Variants in FOXP1 observed in about 807,000 individuals in gnomAD.
FOXP1 encodes forkhead box protein P1.
FOXP1 carries 15 observed loss-of-function variants against 98.2 expected under a neutral mutation model. The ratio of observed to expected loss-of-function variants is 0.15; its 90% CI spans 0.10 to 0.24. The LOEUF (loss-of-function observed/expected upper bound fraction) is 0.24, where lower values mean the gene tolerates loss of function less well. Ranked by LOEUF, FOXP1 falls within the 10% of genes least tolerant of loss-of-function variation. FOXP1 has a pLI of 1.00. For missense variants in FOXP1, 633 were observed against 848.5 expected, an observed-to-expected ratio of 0.75 and a Z score of 3.15; for synonymous variants, 371 against 314.5, an observed-to-expected ratio of 1.18 and a Z score of -1.90.
intron 2 of FOXP1, among the ~76,000 whole-genome samples, chr3:71,494,032 A>T (rs560640200): frequency 2.0e-5 from 3 of 152,142 alleles, no homozygotes; most frequent in Non-Finnish European, 4.4e-5. Flanking sequence ...GGTAATCATC[A>T]TTTTTTTCTC....
Position 71,182,502 on chromosome 3 carries a change from A to ATATG in FOXP1, c.180+15699_180+15700insCATA, listed in dbSNP as rs1431300428. On this transcript the variant is annotated intron_variant, in intron 6 of 20. Coordinates refer to ENST00000649528, the MANE Select transcript of FOXP1 (RefSeq NM_001349338.3). ...ATACAGAAAAGTGTAAACTATATAT[A>ATATG]TGTGTGTGTGTGTGTGTGTGTGTGT... Among the ~76,000 whole-genome samples the ATATG allele has an allele frequency of 1.7e-3, 232 of 133,692 alleles. 3 individuals carry two copies. Among genetic ancestry groups the ATATG allele is most frequent in the African/African-American group, 6.3e-3 (224 of 35,376 alleles). 87.7% of individuals were successfully genotyped at this position (133,692 alleles called of 152,430 possible).
At chr3:71,242,168 G>T (rs1484438151) in intron 5 of FOXP1, among the ~76,000 whole-genome samples, 2 of 152,156 alleles carry the variant, frequency 1.3e-5, no homozygotes, top group African/African-American at 4.8e-5. Context: ...ACAAGCAAAG[G>T]ACATGTTCGG....
chr3:71,103,201 C>T (rs1169339063), intron 7 of FOXP1, among the ~76,000 whole-genome samples: 1 of 152,092 alleles, frequency 6.6e-6, no homozygotes, highest in East Asian at 1.9e-4. Flanking sequence ...TGAATGCATG[C>T]ATGTATGAAT....
At chr3:71,079,597 C>T (rs1394000876) in intron 7 of FOXP1, among the ~76,000 whole-genome samples, 1 of 152,202 alleles carries the variant, frequency 6.6e-6, no homozygotes, top group African/African-American at 2.4e-5. Context: ...TGTTTCACAA[C>T]ATCTAAACTG....
At chr3:71,074,322 G>A (rs1379933942) in intron 7 of FOXP1, among the ~76,000 whole-genome samples, 1 of 152,120 alleles carries the variant, frequency 6.6e-6, no homozygotes, top group Non-Finnish European at 1.5e-5. Context: ...CTGCCTCCGG[G>A]TTCAAGCGAT....
chr3:71,425,644 G>C (rs905674823), intron 3 of FOXP1, among the ~76,000 whole-genome samples: 3 of 151,940 alleles, frequency 2.0e-5, no homozygotes, highest in African/African-American at 7.3e-5. Context: ...TTGAACTCAT[G>C]CCCTTACTCA....
intron 7 of FOXP1, among the ~76,000 whole-genome samples, chr3:71,070,962 G>A (rs990621223): frequency 3.3e-5 from 5 of 152,150 alleles, no homozygotes; most frequent in African/African-American, 4.8e-5. Context: ...CGGGGAAGCC[G>A]GCACAGGGCT....
At chr3:71,424,794 T>G (rs2083985373) in intron 3 of FOXP1, among the ~76,000 whole-genome samples, 3 of 152,184 alleles carry the variant, frequency 2.0e-5, no homozygotes, top group Admixed American at 6.5e-5. Flanking sequence ...TCAGCAAAAG[T>G]GGAGGACACA....
At chr3:71,083,303 C>G (rs1186344977) in intron 7 of FOXP1, among the ~76,000 whole-genome samples, 4 of 152,278 alleles carry the variant, frequency 2.6e-5, no homozygotes, top group Admixed American at 2.6e-4. Context: ...CCCCTTCTGC[C>G]TTCCACCATG....
chr3:71,380,697 C>CTTT (rs2080083994), intron 3 of FOXP1, among the ~76,000 whole-genome samples: 2 of 91,572 alleles, frequency 2.2e-5, no homozygotes, highest in African/African-American at 3.7e-5. Flanking sequence ...TCTTTTTAGA[C>CTTT]ATTTTTTTTT....
chr3:71,206,618 G>GA (rs1464826603), intron 5 of FOXP1, among the ~76,000 whole-genome samples: 14 of 151,898 alleles, frequency 9.2e-5, no homozygotes, highest in African/African-American at 3.4e-4. Flanking sequence ...TATTTCCAAG[G>GA]AAAAAAAGGA....
At chr3:71,298,944 G>C (rs988946673) in intron 5 of FOXP1, among the ~76,000 whole-genome samples, 2 of 152,106 alleles carry the variant, frequency 1.3e-5, no homozygotes, top group African/African-American at 4.8e-5. Flanking sequence ...CCTGTTTTTA[G>C]ACAGACACAA....
chr3:71,232,717 G>A (rs953751764), intron 5 of FOXP1, among the ~76,000 whole-genome samples: 2 of 151,344 alleles, frequency 1.3e-5, no homozygotes, highest in African/African-American at 2.4e-5. Flanking sequence ...TGGGCAACAC[G>A]GTAAAACCCT....
At chr3:71,076,405 C>T (rs2053814307) in intron 7 of FOXP1, among the ~76,000 whole-genome samples, 1 of 152,214 alleles carries the variant, frequency 6.6e-6, no homozygotes, top group South Asian at 2.1e-4. Context: ...AGGGCTCCTA[C>T]CTTGGCCTCA....
intron 5 of FOXP1, among the ~76,000 whole-genome samples, chr3:71,287,125 AAG>A (rs1359366241): frequency 6.6e-6 from 1 of 152,230 alleles, no homozygotes; most frequent in Admixed American, 6.5e-5. Context: ...AGGAAACAAA[AAG>A]AGTACATACA....
intron 3 of FOXP1, among the ~76,000 whole-genome samples, chr3:71,441,550 A>G (rs1201500899): frequency 6.6e-6 from 1 of 152,228 alleles, no homozygotes; most frequent in Non-Finnish European, 1.5e-5. Flanking sequence ...TAAATGCTCT[A>G]GGAGAATGAT....
chr3:71,368,423 G>A (rs2079067919), intron 3 of FOXP1, among the ~76,000 whole-genome samples: 1 of 152,064 alleles, frequency 6.6e-6, no homozygotes, highest in East Asian at 1.9e-4. Context: ...CACCATGCCT[G>A]GCCTTAGTTG....
intron 2 of FOXP1, chr3:71,571,800 C>T (rs2047359812): frequency 2.0e-5 from 3 of 152,162 alleles, no homozygotes; most frequent in South Asian, 2.1e-4. Flanking sequence ...TAACTTTCCC[C>T]GATTATACCA....
rs556603200 is a variant in FOXP1 at position 70,956,419 on chromosome 3, T to C, written c.*2828A>G. The C allele has an allele frequency of 3.2e-4, 68 of 214,332 alleles. No individual in the cohort carries two copies. The highest frequency in any genetic ancestry group is 1.5e-3 in the African/African-American group (65 of 44,456). 13.3% of individuals were successfully genotyped at this position (214,332 alleles called of 1,614,324 possible). A position where few individuals can be genotyped will look rare whatever the true frequency, so the allele number is the denominator to read the frequency against. On this transcript the variant is annotated 3_prime_UTR_variant, in exon 21 of 21. Coordinates refer to ENST00000649528, the MANE Select transcript of FOXP1 (RefSeq NM_001349338.3). ...GATATGTAAAATCTAATTTTTCTTT[T>C]TTTTTTTTTTTTGCTACAGTCTTTA...
Sources: gnomAD v4.1 joint callset for allele counts (sites outside exome capture counted in the v4.1 genomes callset) on GRCh38, gnomAD v4.1.1 for gene constraint, MANE v1.5 for transcripts, NCBI Gene and HGNC (gene_info 2026-07-23, HGNC 2026-07-21) for gene names.